The following PTPRG variants were observed in gnomAD, a reference collection of about 807,000 sequenced individuals.
PTPRG encodes the protein protein tyrosine phosphatase receptor type G.
A neutral mutation model predicts 165.3 loss-of-function variants in PTPRG; 102 were observed. The observed-to-expected ratio is 0.62, with a 90% confidence interval of 0.53 to 0.73. PTPRG has a LOEUF of 0.73. Among genes scored for constraint, PTPRG ranks in the 30% least tolerant of loss-of-function variants. The probability of loss-of-function intolerance (pLI) is 0.00; values close to 1 mark genes in which losing one functional copy is unlikely to be tolerated. For missense variants in PTPRG, 1,866 were observed against 1,861.4 expected (o/e 1.00, Z -0.05); for synonymous variants, 675 against 669.5 (o/e 1.01, Z -0.13).
At chr3:62,123,917 C>T (rs565771465) in intron 5 of PTPRG, among the ~76,000 whole-genome samples, 10 of 152,194 alleles carry the variant, frequency 6.6e-5, no homozygotes, top group East Asian at 5.8e-4. Flanking sequence ...GTGATTTTAA[C>T]GTTTTCGCTC....
chr3:61,987,405 G>C (rs999705860), intron 2 of PTPRG, among the ~76,000 whole-genome samples: 2 of 152,178 alleles, frequency 1.3e-5, no homozygotes, highest in Non-Finnish European at 2.9e-5. Context: ...ATGTCTGGAA[G>C]GTTATGAGAA....
chr3:62,042,263 A>C (rs1243299926), intron 4 of PTPRG, among the ~76,000 whole-genome samples: 2 of 152,156 alleles, frequency 1.3e-5, no homozygotes, highest in Non-Finnish European at 2.9e-5. Context: ...GCCTGTCATA[A>C]AGCCATGCCC....
intron 5 of PTPRG, among the ~76,000 whole-genome samples, chr3:62,079,636 C>T (rs1371644930): frequency 2.6e-5 from 4 of 152,088 alleles, no homozygotes; most frequent in Admixed American, 2.0e-4. Context: ...ATGTATTGGT[C>T]TAATTTGCCC....
At chr3:61,750,243 A>T (rs150417239) in intron 2 of PTPRG, 14 of 152,352 alleles carry the variant, frequency 9.2e-5, no homozygotes, top group African/African-American at 3.4e-4. Flanking sequence ...AAGAAAATTT[A>T]TCATTTTGTA....
intron 2 of PTPRG, among the ~76,000 whole-genome samples, chr3:61,887,541 T>A (rs2038086087): frequency 6.6e-6 from 1 of 152,040 alleles, no homozygotes; most frequent in South Asian, 2.1e-4. Flanking sequence ...AGAAAGGAAG[T>A]TCCTTTACCA....
intron 5 of PTPRG, among the ~76,000 whole-genome samples, chr3:62,123,878 C>CAAAAA (rs1273527211): frequency 6.6e-6 from 1 of 152,104 alleles, no homozygotes; most frequent in Non-Finnish European, 1.5e-5. Context: ...TGAAAAAAGG[C>CAAAAA]AAAGTCTGCT....
At chr3:62,172,320 A>C (rs534731949) in intron 8 of PTPRG, among the ~76,000 whole-genome samples, 1 of 152,376 alleles carries the variant, frequency 6.6e-6, no homozygotes, top group South Asian at 2.1e-4. Flanking sequence ...TTGAGGAACT[A>C]TCAAACTATT....
intron 8 of PTPRG, among the ~76,000 whole-genome samples, chr3:62,173,535 T>G (rs1367754494): frequency 1.3e-5 from 2 of 152,218 alleles, no homozygotes; most frequent in African/African-American, 4.8e-5. Context: ...AGGCTTGTTG[T>G]AAGATACATA....
intron 6 of PTPRG, among the ~76,000 whole-genome samples, chr3:62,155,427 C>G (rs963606489): frequency 6.6e-6 from 1 of 152,182 alleles, no homozygotes; most frequent in Non-Finnish European, 1.5e-5. Context: ...AGCCTGGATT[C>G]TAAACCCAGC....
intron 1 of PTPRG, among the ~76,000 whole-genome samples, chr3:61,678,466 G>C (rs1703314473): frequency 6.6e-6 from 1 of 152,134 alleles, no homozygotes; most frequent in African/African-American, 2.4e-5. Flanking sequence ...GAATTGACGG[G>C]AACAACCTGA....
intron 1 of PTPRG, among the ~76,000 whole-genome samples, chr3:61,680,524 A>G (rs1390283002): frequency 6.6e-6 from 1 of 150,940 alleles, no homozygotes; most frequent in Non-Finnish European, 1.5e-5. Flanking sequence ...AAAAACACAA[A>G]AAAACAGCAT....
intron 1 of PTPRG, among the ~76,000 whole-genome samples, chr3:61,709,049 G>T (rs953471045): frequency 6.6e-6 from 1 of 152,232 alleles, no homozygotes; most frequent in African/African-American, 2.4e-5. Flanking sequence ...TCAGCACTAT[G>T]CATGTCTATG....
intron 2 of PTPRG, among the ~76,000 whole-genome samples, chr3:61,779,814 T>C (rs1182063843): frequency 6.6e-6 from 1 of 152,204 alleles, no homozygotes; most frequent in African/African-American, 2.4e-5. Flanking sequence ...CTGCTGGCAC[T>C]TGCAACTCTT....
intron 1 of PTPRG, 49 bp from the exon 2 acceptor site, chr3:61,748,829 T>G (rs186425453): frequency 6.8e-7 from 1 of 1,469,978 alleles, no homozygotes; most frequent in South Asian, 1.1e-5. Context: ...CCTTCCTGTA[T>G]CCAGTGGGGT....
At chr3:61,677,244 CAAAA>C (rs11426161) in intron 1 of PTPRG, among the ~76,000 whole-genome samples, 6 of 71,560 alleles carry the variant, frequency 8.4e-5, no homozygotes, top group African/African-American at 1.8e-4. Context: ...GACTCCGTCT[CAAAA>C]AAAAAAAAAA....
At chr3:61,703,717 G>A (rs558286382) in intron 1 of PTPRG, among the ~76,000 whole-genome samples, 1 of 152,258 alleles carries the variant, frequency 6.6e-6, no homozygotes, top group South Asian at 2.1e-4. Flanking sequence ...ACAAATCTGT[G>A]TAAATTTCAA....
intron 1 of PTPRG, among the ~76,000 whole-genome samples, chr3:61,746,208 ATTTTTTTTTTTTTTTT>A (rs750697053): frequency 1.2e-5 from 1 of 81,326 alleles, no homozygotes; most frequent in African/African-American, 5.4e-5. Context: ...ACACACTCTA[ATTTTTTTTTTTTTTTT>A]TTTTTTTTTT....
intron 1 of PTPRG, among the ~76,000 whole-genome samples, chr3:61,628,430 C>T (rs978280785): frequency 2.0e-5 from 3 of 152,154 alleles, no homozygotes; most frequent in African/African-American, 4.8e-5. Context: ...ATTCTCCTGC[C>T]TCAGCCTCCC....
chr3:62,184,150 A>G (rs1303549067), intron 8 of PTPRG, among the ~76,000 whole-genome samples: 1 of 152,150 alleles, frequency 6.6e-6, no homozygotes, highest in East Asian at 1.9e-4. Context: ...GGATTCGGTT[A>G]TGCGTTGTGT....
Sources: gnomAD v4.1 joint callset for allele counts (sites outside exome capture counted in the v4.1 genomes callset) on GRCh38, gnomAD v4.1.1 for gene constraint, MANE v1.5 for transcripts, NCBI Gene and HGNC (gene_info 2026-07-23, HGNC 2026-07-21) for gene names.